Variants in KAT6B observed in about 807,000 individuals in gnomAD.
The protein encoded by KAT6B is lysine acetyltransferase 6B.
Under a neutral mutation model 187.5 loss-of-function variants are expected in KAT6B, and 10 were observed. The ratio of observed to expected loss-of-function variants is 0.05; its 90% confidence interval spans 0.03 to 0.09. The LOEUF is 0.09. KAT6B is among the 10% of genes least tolerant of loss of function. KAT6B has a pLI of 1.00. For synonymous variants in KAT6B, 861 were observed against 926.8 expected (o/e 0.93, Z 1.29); for missense variants, 1,952 against 2,558.9 (o/e 0.76, Z 5.12).
intron 10 of KAT6B, among the ~76,000 whole-genome samples, chr10:74,980,214 G>A (rs1050617581): frequency 1.3e-5 from 2 of 152,096 alleles, no homozygotes; most frequent in Non-Finnish European, 1.5e-5. Flanking sequence ...TGTTTGTCTT[G>A]AACTCAAGAT....
At chr10:74,993,815 G>T (rs1843258601) in intron 13 of KAT6B, among the ~76,000 whole-genome samples, 1 of 152,172 alleles carries the variant, frequency 6.6e-6, no homozygotes, top group African/African-American at 2.4e-5. Flanking sequence ...GTTTCCTCAT[G>T]ATTAGATTTA....
At chr10:74,947,382 C>T (rs1417469759) in intron 3 of KAT6B, among the ~76,000 whole-genome samples, 2 of 152,166 alleles carry the variant, frequency 1.3e-5, no homozygotes, top group East Asian at 3.9e-4. Context: ...ATGTGTATTT[C>T]CCCCCATAAC....
Position 75,032,177 on chromosome 10 carries a change from A to T in KAT6B, c.*1131A>T, listed in dbSNP as rs1846358791. On this transcript the variant is annotated 3_prime_UTR_variant, in exon 18 of 18. Transcript: ENST00000287239. ...GTAATCCTTGTATAAAATAGGATCCAGCGACACTCTTGTATTTATCTGTTC... is the reference window on the plus strand; with the variant it reads ...GTAATCCTTGTATAAAATAGGATCCTGCGACACTCTTGTATTTATCTGTTC... The T allele has an allele frequency of 5.1e-6, 1 of 195,020 alleles. No homozygotes were observed. Among genetic ancestry groups the T allele is most frequent in the African/African-American group, 2.3e-5 (1 of 43,178 alleles). 12.1% of individuals were successfully genotyped at this position (195,020 alleles called of 1,614,324 possible). A position where few individuals can be genotyped will look rare whatever the true frequency, so the allele number is the denominator to read the frequency against.
At chr10:74,908,601 G>T in intron 3 of KAT6B, among the ~76,000 whole-genome samples, 1 of 150,474 alleles carries the variant, frequency 6.6e-6, no homozygotes. Context: ...TTTATAAGTT[G>T]CCTAGTTTCA....
intron 2 of KAT6B, among the ~76,000 whole-genome samples, chr10:74,841,953 C>G (rs1466969991): frequency 1.3e-5 from 2 of 152,208 alleles, no homozygotes; most frequent in Non-Finnish European, 2.9e-5. Flanking sequence ...TTGTACTGAG[C>G]TGTTTAATGA....
At chr10:74,972,345 G>A (rs1162310055) in intron 6 of KAT6B, among the ~76,000 whole-genome samples, 162 bp from the exon 7 acceptor site, 1 of 152,110 alleles carries the variant, frequency 6.6e-6, no homozygotes, top group African/African-American at 2.4e-5. Flanking sequence ...TGACCTTAGT[G>A]ATGGCTTCCT....
intron 12 of KAT6B, among the ~76,000 whole-genome samples, chr10:74,985,812 C>T (rs942595423): frequency 1.3e-5 from 2 of 152,040 alleles, no homozygotes; most frequent in African/African-American, 4.8e-5. Context: ...TTTGGGAGGC[C>T]GGGGTGGGCG....
rs1228514038 is a variant in KAT6B at position 74,998,769 on chromosome 10, T to C, written c.2629+9657T>C. ...CCCCATCTCTACAAAAATAAATAAA[T>C]GAAATTAGCTGGGCCTGGTAGCTTG... On this transcript the variant is annotated intron_variant, in intron 13 of 17. Transcript: ENST00000287239. Among the ~76,000 whole-genome samples the C allele has an allele frequency of 2.0e-5, 3 of 152,180 alleles. No homozygotes were observed. The East Asian group carries it at 5.8e-4, about 29-fold the overall frequency.
intron 3 of KAT6B, among the ~76,000 whole-genome samples, chr10:74,889,653 C>G (rs1408674908): frequency 6.6e-6 from 1 of 152,182 alleles, no homozygotes; most frequent in African/African-American, 2.4e-5. Context: ...GAGCCTTATC[C>G]AATGTCATTG....
Position 74,842,580 on chromosome 10 carries a change from C to T in KAT6B, c.-258-20C>T. 5.2e-6 allele frequency: 3 copies of T among 577,506 alleles called. No homozygotes were observed. Among genetic ancestry groups the T allele is most frequent in the Non-Finnish European group, 6.1e-6 (2 of 327,422 alleles). The allele number at this position is 577,506 out of a possible 1,614,324, so 35.8% of individuals were successfully genotyped here. ...TAAGCTTCATTATTAAGAGACTTTC[C>T]CCTCTTTTTATCCTTTAAGGTCTTG... On this transcript the variant is annotated intron_variant, in intron 2 of 17. Transcript: ENST00000287239.
intron 13 of KAT6B, among the ~76,000 whole-genome samples, chr10:75,008,892 C>T (rs971257533): frequency 6.6e-6 from 1 of 152,146 alleles, no homozygotes; most frequent in South Asian, 2.1e-4. Flanking sequence ...TTTCTTTGAC[C>T]TCATCACACA....
chr10:74,971,594 T>C (rs1841851038), intron 6 of KAT6B, among the ~76,000 whole-genome samples: 1 of 152,174 alleles, frequency 6.6e-6, no homozygotes, highest in African/African-American at 2.4e-5. Context: ...TTTTCTAAAG[T>C]ACCTCTTTTT....
intron 13 of KAT6B, 61 bp downstream of exon 13, chr10:74,989,173 A>G: frequency 8.7e-7 from 1 of 1,154,942 alleles, no homozygotes; most frequent in Non-Finnish European, 1.3e-6. Flanking sequence ...TACAGGAAAC[A>G]GTAAAATATA....
At chr10:74,905,834 C>A (rs1023391794) in intron 3 of KAT6B, among the ~76,000 whole-genome samples, 5 of 152,148 alleles carry the variant, frequency 3.3e-5, no homozygotes, top group African/African-American at 1.2e-4. Flanking sequence ...ACAAGGCCCT[C>A]CCTATTGCCT....
At chr10:74,962,535 T>A (rs1047230109) in intron 4 of KAT6B, among the ~76,000 whole-genome samples, 16 of 152,116 alleles carry the variant, frequency 1.1e-4, no homozygotes, top group Admixed American at 1.0e-3. Flanking sequence ...TTCAAAGGGA[T>A]CCCAAAATGT....
At chr10:74,864,749 A>C (rs1190212623) in intron 3 of KAT6B, among the ~76,000 whole-genome samples, 1 of 152,172 alleles carries the variant, frequency 6.6e-6, no homozygotes, top group Non-Finnish European at 1.5e-5. Flanking sequence ...TTGACTCCAC[A>C]CATACAGAGG....
chr10:74,964,828 C>T (rs1407260939), intron 4 of KAT6B, among the ~76,000 whole-genome samples: 6 of 152,198 alleles, frequency 3.9e-5, no homozygotes, highest in Admixed American at 2.6e-4. Context: ...TGGAGCCATC[C>T]TCTGTCCTAT....
chr10:74,957,342 A>G (rs1840761372), intron 3 of KAT6B, among the ~76,000 whole-genome samples: 1 of 152,252 alleles, frequency 6.6e-6, no homozygotes, highest in East Asian at 1.9e-4. Flanking sequence ...TATCCTTAAA[A>G]TAAATGGTTG....
At chr10:74,940,278 CTTT>C (rs988686640) in intron 3 of KAT6B, among the ~76,000 whole-genome samples, 6 of 142,144 alleles carry the variant, frequency 4.2e-5, no homozygotes, top group East Asian at 2.0e-4. Context: ...TATTTTTCCC[CTTT>C]TTTTTTTTTT....
Sources: allele counts gnomAD v4.1 joint callset (sites outside exome capture counted in the v4.1 genomes callset), GRCh38; gene constraint gnomAD v4.1.1; transcripts MANE v1.5; gene names NCBI Gene and HGNC (gene_info 2026-07-23, HGNC 2026-07-21).